Variants in RTCB observed in about 807,000 individuals in gnomAD.
RTCB encodes the protein RNA 2',3'-cyclic phosphate and 5'-OH ligase.
A neutral mutation model predicts 58.2 loss-of-function variants in RTCB; 32 were observed. That is an observed-to-expected ratio of 0.55 (90% CI 0.41 to 0.74). RTCB has a LOEUF of 0.74. Among genes scored for constraint, RTCB ranks in the 30% least tolerant of loss-of-function variants. The pLI, the probability that RTCB is intolerant of heterozygous loss-of-function variation, is 0.00. For missense variants in RTCB, 523 were observed against 639.0 expected (o/e 0.82, Z 1.96); for synonymous variants, 247 against 218.6 (o/e 1.13, Z -1.15).
At chr22:32,406,458 G>T (rs891649389) in intron 4 of RTCB, among the ~76,000 whole-genome samples, 2 of 152,058 alleles carry the variant, frequency 1.3e-5, no homozygotes, top group African/African-American at 4.8e-5. Flanking sequence ...AAGTAGCTGG[G>T]AGTACAGGTG....
chr22:32,408,769 G>C lies in RTCB; in HGVS notation c.158C>G (p.Ala53Gly). 1.2e-6 allele frequency: 2 copies of C among 1,612,936 alleles called. No homozygotes were observed. The highest frequency in any genetic ancestry group is 1.7e-6 in the Non-Finnish European group (2 of 1,178,988). The change falls in exon 2 of 12, where the codon GCC becomes GGC. Residue 53 changes from alanine (A) to glycine (G), a missense_variant. By Grantham distance (60) the Ala-to-Gly change is moderately conservative. Transcript: ENST00000216038. ...EKLMFEELRNACRGGGVGGFL... is the reference protein window; with the variant it reads ...EKLMFEELRNGCRGGGVGGFL... ...AATGTACTTACCACCACCTCGACAGGCATTCCTTAATTCCTCAAACATCAA... is the reference window on the plus strand; with the variant it reads ...AATGTACTTACCACCACCTCGACAGCCATTCCTTAATTCCTCAAACATCAA...
At chr22:32,410,108 A>G (rs1314285070) in intron 1 of RTCB, among the ~76,000 whole-genome samples, 1 of 152,086 alleles carries the variant, frequency 6.6e-6, no homozygotes, top group African/African-American at 2.4e-5. Flanking sequence ...GAGCCACCGC[A>G]CCCAGCCAGT....
chr22:32,395,016 A>T lies in RTCB; in HGVS notation c.1179+10T>A, dbSNP rs2072818. ...CCACTGCTTAAAACTACAAACGTAG[A>T]GCTACGTACTTGGTAATCAACAGCA... On this transcript the variant is annotated intron_variant, in intron 9 of 11. Coordinates refer to ENST00000216038, the MANE Select transcript of RTCB (RefSeq NM_014306.5). The T allele has an allele frequency of 2.4e-5, 38 of 1,601,882 alleles. No homozygotes were observed. Among genetic ancestry groups the T allele is most frequent in the South Asian group, 1.4e-4 (13 of 90,152 alleles).
intron 4 of RTCB, 61 bp downstream of exon 4, chr22:32,406,601 G>A (rs982176865): frequency 5.1e-6 from 6 of 1,170,832 alleles, no homozygotes; most frequent in Admixed American, 3.4e-5. Context: ...GATTACAGAC[G>A]TGAGCCACCG....
intron 7 of RTCB, among the ~76,000 whole-genome samples, chr22:32,396,698 T>C (rs759275775): frequency 6.6e-6 from 1 of 152,200 alleles, no homozygotes; most frequent in Non-Finnish European, 1.5e-5. Flanking sequence ...TTAAATAGTC[T>C]AGAGGGTCAG....
At chr22:32,401,234 TAC>T (rs1198907613) in intron 5 of RTCB, among the ~76,000 whole-genome samples, 1 of 151,882 alleles carries the variant, frequency 6.6e-6, no homozygotes, top group African/African-American at 2.4e-5. Flanking sequence ...TAGGTGGGAC[TAC>T]AGTCACAAGC....
chr22:32,409,022 G>A lies in RTCB; in HGVS notation c.94-189C>T, dbSNP rs185344170. On this transcript the variant is annotated intron_variant, in intron 1 of 11. Coordinates refer to ENST00000216038, the MANE Select transcript of RTCB (RefSeq NM_014306.5). ...GCTCCCATCGGAAAATATACCTTAA[G>A]AAAAATTCTGCAATGTTCACAAATT... Among the ~76,000 whole-genome samples, 23 of 152,218 alleles carry A rather than the reference G, an allele frequency of 1.5e-4. No individual in the cohort carries two copies. In the East Asian group the frequency reaches 4.2e-3, roughly 28 times the overall value.
chr22:32,388,563 GTA>G (rs1431549426), intron 11 of RTCB, among the ~76,000 whole-genome samples: 1 of 152,136 alleles, frequency 6.6e-6, no homozygotes, highest in African/African-American at 2.4e-5. Flanking sequence ...ATTCATATAT[GTA>G]TAAAACAAAG....
At position 32,411,470 on chromosome 22, in the gene RTCB, G is replaced by A. The variant is rs149570773; in HGVS notation, c.93+594C>T. On this transcript the variant is annotated intron_variant, in intron 1 of 11. Coordinates refer to ENST00000216038, the MANE Select transcript of RTCB (RefSeq NM_014306.5). The stretch of plus-strand genomic sequence containing the variant: ...TCCTGGCTGAGCTTCTTCCTAGGTG[G>A]GTAGAGGAAGCTATGTCACCGACAG... Among the ~76,000 whole-genome samples the A allele has an allele frequency of 5.2e-3, 788 of 152,226 alleles. 5 individuals carry two copies. Among genetic ancestry groups the A allele is most frequent in the Non-Finnish European group, 7.5e-3 (509 of 68,018 alleles).
rs748037176 is a variant in RTCB, at chr22:32,401,767, A to C, written c.477T>G (p.Gly159=). ...DHIPVGVGSK[G]VIPMNAKDLE... The stretch of plus-strand genomic sequence containing the variant: ...CTTACTTGGCATTCATTGGGATGAC[A>C]CCTTTTGACCCCACCCCAACAGGAA... The change falls in exon 5 of 12, where the codon GGT becomes GGG. Residue 159 remains glycine, a synonymous_variant. Transcript: ENST00000216038. 3 of 1,613,918 alleles carry C rather than the reference A, an allele frequency of 1.9e-6. No homozygotes were observed. The highest frequency in any genetic ancestry group is 2.2e-5 in the South Asian group (2 of 91,062).
intron 1 of RTCB, among the ~76,000 whole-genome samples, chr22:32,409,642 C>T (rs1376610988): frequency 2.0e-5 from 3 of 152,056 alleles, no homozygotes; most frequent in African/African-American, 7.2e-5. Context: ...CAATTTAATA[C>T]CCACTGATGG....
intron 10 of RTCB, among the ~76,000 whole-genome samples, chr22:32,393,401 G>A (rs1933187877): frequency 1.3e-5 from 2 of 152,162 alleles, no homozygotes; most frequent in African/African-American, 4.8e-5. Context: ...TGACCCCTGG[G>A]CTTAGAAGAT....
At chr22:32,403,939 G>A (rs917382363) in intron 4 of RTCB, among the ~76,000 whole-genome samples, 3 of 152,116 alleles carry the variant, frequency 2.0e-5, no homozygotes, top group East Asian at 3.8e-4. Context: ...TAGTATTTTC[G>A]TTTCTGTGTC....
intron 4 of RTCB, among the ~76,000 whole-genome samples, chr22:32,404,123 G>A (rs923723921): frequency 6.6e-6 from 1 of 152,154 alleles, no homozygotes; most frequent in Non-Finnish European, 1.5e-5. Context: ...AATGAACATG[G>A]GAGGGCAGGT....
At chr22:32,398,687 T>C (rs1933286291) in intron 6 of RTCB, among the ~76,000 whole-genome samples, 1 of 152,154 alleles carries the variant, frequency 6.6e-6, no homozygotes, top group Non-Finnish European at 1.5e-5. Context: ...ATTTTAAACA[T>C]CACAAAGAGT....
chr22:32,398,435 C>T (rs1056202746), intron 6 of RTCB, among the ~76,000 whole-genome samples: 3 of 152,012 alleles, frequency 2.0e-5, no homozygotes, highest in Non-Finnish European at 4.4e-5. Flanking sequence ...AGGGGAACAT[C>T]ACATACCAGA....
At chr22:32,401,578 T>C in intron 5 of RTCB, 169 bp downstream of exon 5, 1 of 634,812 alleles carries the variant, frequency 1.6e-6, no homozygotes, top group Admixed American at 3.0e-5. Context: ...GGTTGACTAA[T>C]GTCTCCAATA....
intron 1 of RTCB, among the ~76,000 whole-genome samples, chr22:32,409,147 A>G (rs1933477854): frequency 6.6e-6 from 1 of 152,144 alleles, no homozygotes; most frequent in Non-Finnish European, 1.5e-5. Context: ...ACTCTCACAA[A>G]GCCCAAAGGT....
chr22:32,402,011 T>C, intron 4 of RTCB, 108 bp from the exon 5 acceptor site: 1 of 1,188,556 alleles, frequency 8.4e-7, no homozygotes. Context: ...TAAAGATAAC[T>C]ATGTTTTAAA....
Sources: gnomAD v4.1 joint callset for allele counts (sites outside exome capture counted in the v4.1 genomes callset) on GRCh38, gnomAD v4.1.1 for gene constraint, MANE v1.5 for transcripts, NCBI Gene and HGNC (gene_info 2026-07-23, HGNC 2026-07-21) for gene names.